SLC44A1: variants seen among roughly 807,000 people sequenced by gnomAD.
SLC44A1 encodes the protein solute carrier family 44 member 1.
Under a neutral mutation model 79.3 loss-of-function variants are expected in SLC44A1, and 26 were observed. That is an observed-to-expected ratio of 0.33 (90% confidence interval 0.24 to 0.46). The LOEUF is 0.46. Ranked by LOEUF, SLC44A1 falls within the 20% of genes least tolerant of loss-of-function variation. SLC44A1 has a pLI of 1.00. For missense variants in SLC44A1, 688 were observed against 798.1 expected, an observed-to-expected ratio of 0.86 and a Z score of 1.66; for synonymous variants, 263 against 286.2, an observed-to-expected ratio of 0.92 and a Z score of 0.82.
intron 15 of SLC44A1, among the ~76,000 whole-genome samples, chr9:105,403,059 A>G (rs982386055): frequency 2.1e-4 from 31 of 148,828 alleles, no homozygotes; most frequent in African/African-American, 7.3e-4. Flanking sequence ...GATTCAAGCA[A>G]TCTTCCCAAC....
chr9:105,341,654 G>A (rs1388254202), intron 4 of SLC44A1, among the ~76,000 whole-genome samples: 1 of 152,146 alleles, frequency 6.6e-6, no homozygotes, highest in Non-Finnish European at 1.5e-5. Flanking sequence ...CAGTAGATAA[G>A]TAGATATCCA....
At chr9:105,250,317 C>T (rs1829554508) in intron 1 of SLC44A1, among the ~76,000 whole-genome samples, 1 of 152,104 alleles carries the variant, frequency 6.6e-6, no homozygotes, top group African/African-American at 2.4e-5. Context: ...AAAACTAGTC[C>T]ACTTAGAATG....
intron 1 of SLC44A1, among the ~76,000 whole-genome samples, chr9:105,286,297 T>C (rs975388217): frequency 6.6e-6 from 1 of 152,162 alleles, no homozygotes; most frequent in African/African-American, 2.4e-5. Context: ...AACTGTCTGG[T>C]TCACATTCCT....
rs987868258 is a variant in SLC44A1 at position 105,260,140 on chromosome 9, A to G, written c.36+15236A>G. ...ACCAGGGCTACAAGGTGTTCTGCCA[A>G]AAAAAGGGTTCTGAGGTCAGAAAAG... On this transcript the variant is annotated intron_variant, in intron 1 of 15. Coordinates refer to ENST00000374720, the MANE Select transcript of SLC44A1 (RefSeq NM_080546.5). Among the ~76,000 whole-genome samples, 29 of 152,184 alleles carry G rather than the reference A, an allele frequency of 1.9e-4. 2 individuals carry two copies. The highest frequency in any genetic ancestry group is 4.8e-5 in the African/African-American group (2 of 41,446).
chr9:105,283,538 A>G (rs1588731938), intron 1 of SLC44A1, among the ~76,000 whole-genome samples: 1 of 152,218 alleles, frequency 6.6e-6, no homozygotes, highest in Non-Finnish European at 1.5e-5. Context: ...GTAAAACTAC[A>G]TCATAAGACA....
intron 2 of SLC44A1, among the ~76,000 whole-genome samples, chr9:105,301,432 T>A (rs1043338961): frequency 2.0e-5 from 3 of 152,248 alleles, no homozygotes; most frequent in East Asian, 1.9e-4. Flanking sequence ...GATTACTACC[T>A]TCATGGAATT....
intron 1 of SLC44A1, among the ~76,000 whole-genome samples, chr9:105,270,949 G>GA (rs1218081538): frequency 6.6e-6 from 1 of 152,200 alleles, no homozygotes; most frequent in African/African-American, 2.4e-5. Flanking sequence ...CATTCTTCCA[G>GA]ACTTAATTAG....
At chr9:105,267,964 G>A (rs1829998216) in intron 1 of SLC44A1, among the ~76,000 whole-genome samples, 1 of 152,096 alleles carries the variant, frequency 6.6e-6, no homozygotes, top group Admixed American at 6.5e-5. Flanking sequence ...GTCTCTTCTG[G>A]GCTCCTGGAA....
intron 1 of SLC44A1, among the ~76,000 whole-genome samples, chr9:105,264,608 T>A (rs183980432): frequency 1.5e-4 from 23 of 152,362 alleles, no homozygotes; most frequent in Admixed American, 3.9e-4. Flanking sequence ...CACTTATAAC[T>A]AATTGGCTTA....
rs181992987 is a variant in SLC44A1 at position 105,278,219 on chromosome 9, C to T, written c.37-21001C>T. On this transcript the variant is annotated intron_variant, in intron 1 of 15. Coordinates refer to ENST00000374720, the MANE Select transcript of SLC44A1 (RefSeq NM_080546.5). ...TGGGATTACAGGTGTGCCACTACCG[C>T]CTGGCTAATTTTTTTTTCTTTTTCT... is the stretch of plus-strand genomic sequence containing the variant. 2.1e-3 allele frequency among the ~76,000 whole-genome samples: 317 copies of T among 151,364 alleles called. 6 individuals carry two copies. Among genetic ancestry groups the T allele is most frequent in the Non-Finnish European group, 3.1e-4 (21 of 67,808 alleles).
intron 3 of SLC44A1, among the ~76,000 whole-genome samples, chr9:105,333,442 G>C (rs2131355172): frequency 6.6e-6 from 1 of 152,250 alleles, no homozygotes; most frequent in Admixed American, 6.5e-5. Flanking sequence ...CATGTAAAGT[G>C]TTTAATACGG....
At chr9:105,412,607 A>C (rs1829111223) in intron 15 of SLC44A1, among the ~76,000 whole-genome samples, 3 of 151,600 alleles carry the variant, frequency 2.0e-5, no homozygotes, top group South Asian at 2.1e-4. Flanking sequence ...TGACTGCATT[A>C]CTTTTTTTTT....
At chr9:105,400,256 T>C (rs1382145021), downstream of SLC44A1, among the ~76,000 whole-genome samples, 2 of 151,960 alleles carry the variant, frequency 1.3e-5, no homozygotes, top group Non-Finnish European at 2.9e-5. Flanking sequence ...TTTGGGAGGC[T>C]GAGGCAGGTG....
chr9:105,393,009 G>A lies in SLC44A1; in HGVS notation c.*3953G>A. The A allele has an allele frequency of 1.0e-6, 1 of 984,914 alleles. No homozygotes were observed. The highest frequency in any genetic ancestry group is 1.2e-6 in the Non-Finnish European group (1 of 829,582). 61.0% of individuals were successfully genotyped at this position (984,914 alleles called of 1,614,324 possible). A position where few individuals can be genotyped will look rare whatever the true frequency, so the allele number is the denominator to read the frequency against. ...ACTCTCAGAGTCTGGAGGCTTATCA[G>A]TGCACCTGCCACAGTTAATTTCTGT... On this transcript the variant is annotated 3_prime_UTR_variant, in exon 16 of 16. Coordinates refer to ENST00000374720, the MANE Select transcript of SLC44A1 (RefSeq NM_080546.5).
rs57226567 is a variant in SLC44A1, at chr9:105,392,403, C to CTTTT, written c.*3371_*3374dup. 1.8e-4 allele frequency: 111 copies of CTTTT among 610,804 alleles called. 5 individuals carry two copies. Among genetic ancestry groups the CTTTT allele is most frequent in the African/African-American group, 1.6e-3 (40 of 24,856 alleles). The allele number at this position is 610,804 out of a possible 1,614,324, so 37.8% of individuals were successfully genotyped here. A position where few individuals can be genotyped will look rare whatever the true frequency, so the allele number is the denominator to read the frequency against. ...GTAGAGATGCTCTCTCTCTCTCTCT[C>CTTTT]TTTTTTTTTTTTTTTTTTTTTTTTT... On this transcript the variant is annotated 3_prime_UTR_variant, in exon 16 of 16. Transcript: ENST00000374720.
chr9:105,372,289 T>C (rs1391511040), intron 12 of SLC44A1, among the ~76,000 whole-genome samples: 1 of 152,142 alleles, frequency 6.6e-6, no homozygotes, highest in East Asian at 1.9e-4. Context: ...GTATTTCTGT[T>C]TTGTTTTTCT....
At chr9:105,408,093 G>A (rs572537655) in intron 15 of SLC44A1, among the ~76,000 whole-genome samples, 1 of 149,588 alleles carries the variant, frequency 6.7e-6, no homozygotes, top group Non-Finnish European at 1.5e-5. Flanking sequence ...GGCGGAGGCT[G>A]CTGTGAGCCG....
At chr9:105,410,400 C>G (rs1231555217) in intron 15 of SLC44A1, among the ~76,000 whole-genome samples, 2 of 152,032 alleles carry the variant, frequency 1.3e-5, no homozygotes, top group Non-Finnish European at 2.9e-5. Context: ...AATAAACAAC[C>G]CATAACGAGC....
chr9:105,421,982 G>T (rs1366526638), intron 15 of SLC44A1, among the ~76,000 whole-genome samples: 2 of 152,168 alleles, frequency 1.3e-5, no homozygotes. Flanking sequence ...CGGACCTCTG[G>T]TAGAAGTGAC....
Sources: allele counts gnomAD v4.1 joint callset (sites outside exome capture counted in the v4.1 genomes callset), GRCh38; gene constraint gnomAD v4.1.1; transcripts MANE v1.5; gene names NCBI Gene and HGNC (gene_info 2026-07-23, HGNC 2026-07-21).